MEPE: variants seen among roughly 807,000 people sequenced by gnomAD.
MEPE encodes matrix, extracellular phosphoglycoprotein with ASARM motif (bone).
A neutral mutation model predicts 7.3 loss-of-function variants in MEPE; 7 were observed. The ratio of observed to expected loss-of-function variants is 0.95; its 90% CI spans 0.54 to 1.79. The LOEUF is 1.79. Among genes scored for constraint, MEPE ranks in the 40% most tolerant of loss-of-function variants. The probability of loss-of-function intolerance (pLI) is 0.00; values close to 1 mark genes in which losing one functional copy is unlikely to be tolerated. For synonymous variants in MEPE, 214 were observed against 213.1 expected (o/e 1.00, Z -0.04); for missense variants, 623 against 628.2 (o/e 0.99, Z 0.09).
At chr4:87,841,326 C>A (rs544064313) in intron 3 of MEPE, among the ~76,000 whole-genome samples, 5 of 152,244 alleles carry the variant, frequency 3.3e-5, no homozygotes, top group African/African-American at 1.2e-4. Context: ...CTTTCCAGGA[C>A]TCAATTACTC....
chr4:87,839,733 T>C, intron 3 of MEPE: 1 of 1,550,302 alleles, frequency 6.5e-7, no homozygotes, highest in Non-Finnish European at 8.7e-7. Flanking sequence ...TGTTTTTAAG[T>C]GTGTTTACAT....
At chr4:87,824,720 T>TTTTG (rs965434855) in intron 1 of MEPE, among the ~76,000 whole-genome samples, 2 of 152,382 alleles carry the variant, frequency 1.3e-5, no homozygotes, top group East Asian at 3.9e-4. Context: ...TTTGTGTTTT[T>TTTTG]TTTGTTTGTT....
At chr4:87,833,161 T>G (rs192796340) in intron 1 of MEPE, 147 bp downstream of exon 1, 1 of 152,336 alleles carries the variant, frequency 6.6e-6, no homozygotes, top group East Asian at 1.9e-4. Flanking sequence ...GTGCTTTGTT[T>G]TATAAAATAG....
At chr4:87,839,318 C>G (rs1722919855) in intron 3 of MEPE, among the ~76,000 whole-genome samples, 1 of 152,182 alleles carries the variant, frequency 6.6e-6, no homozygotes, top group Admixed American at 6.5e-5. Context: ...AATTAGACAT[C>G]AGACATGAAT....
chr4:87,845,348 G>C lies in MEPE; in HGVS notation c.480G>C (p.Ala160=). The part of the protein sequence containing the change: ...NMQHIMGPVT[A]IKLLGEENKE... ...AACATATAATGGGGCCAGTGACTGC[G>C]ATTAAACTCCTGGGGGAAGAAAACA... is the stretch of plus-strand genomic sequence containing the variant. Residue 160 remains alanine (A), a synonymous_variant, in exon 4 of 4, where the codon GCG becomes GCC. Coordinates refer to ENST00000361056, the MANE Select transcript of MEPE (RefSeq NM_020203.6). 1 of 1,613,962 alleles carries C rather than the reference G, an allele frequency of 6.2e-7. No individual in the cohort carries two copies. The highest frequency in any genetic ancestry group is 1.1e-5 in the South Asian group (1 of 91,066).
upstream of MEPE, among the ~76,000 whole-genome samples, chr4:87,831,313 C>T (rs1722593694): frequency 2.0e-5 from 3 of 152,070 alleles, no homozygotes; most frequent in Admixed American, 2.0e-4. Context: ...TAAATCCAAA[C>T]TCACAATATT....
At chr4:87,839,858 G>A (rs1367630392) in intron 3 of MEPE, 2 of 1,543,426 alleles carry the variant, frequency 1.3e-6, no homozygotes, top group Non-Finnish European at 1.7e-6. Flanking sequence ...GGGAGGCAAA[G>A]TTTACTTTTG....
chr4:87,839,839 A>G, intron 3 of MEPE: 1 of 1,543,142 alleles, frequency 6.5e-7, no homozygotes, highest in South Asian at 1.2e-5. Flanking sequence ...GCCCTAGAGG[A>G]AAATGTAGGG....
chr4:87,834,650 T>A, intron 1 of MEPE, 53 bp from the exon 2 acceptor site: 1 of 1,384,142 alleles, frequency 7.2e-7, no homozygotes, highest in East Asian at 2.3e-5. Context: ...TTCTTATGGC[T>A]GCAGTTTATA....
Position 87,846,389 on chromosome 4 carries a change from G to C in MEPE, c.1521G>C (p.Arg507Ser), listed in dbSNP as rs767869973. The C allele has an allele frequency of 6.2e-7, 1 of 1,614,036 alleles. No homozygotes were observed. Residue 507 changes from arginine to serine, a missense_variant, in exon 4 of 4, where the codon AGG (arginine) becomes AGC (serine). Coordinates refer to ENST00000361056, the MANE Select transcript of MEPE (RefSeq NM_020203.6). ...ACAGGAGGTTTAGTTCCCGTAGAAG[G>C]GATGACAGTAGTGAGTCATCTGACA... Reference protein sequence around the residue: ...HSNRRFSSRRRDDSSESSDSG... With the variant: ...HSNRRFSSRRSDDSSESSDSG...
At chr4:87,842,076 T>C (rs1723035649) in intron 3 of MEPE, among the ~76,000 whole-genome samples, 1 of 152,136 alleles carries the variant, frequency 6.6e-6, no homozygotes, top group Non-Finnish European at 1.5e-5. Context: ...CTCAGAGAAG[T>C]AAAATAATGC....
upstream of MEPE, among the ~76,000 whole-genome samples, chr4:87,832,073 T>C (rs1722614018): frequency 6.6e-6 from 1 of 151,868 alleles, no homozygotes; most frequent in African/African-American, 2.4e-5. Flanking sequence ...TGCTACTGCA[T>C]CTCCAGAGGG....
At chr4:87,826,391 TGTTTTTG>T in intron 1 of MEPE, among the ~76,000 whole-genome samples, 2 of 150,740 alleles carry the variant, frequency 1.3e-5, no homozygotes, top group South Asian at 4.3e-4. Flanking sequence ...TTTTTTTTTT[TGTTTTTG>T]TTTTTTGTTT....
At chr4:87,839,591 C>A in intron 3 of MEPE, 1 of 849,470 alleles carries the variant, frequency 1.2e-6, no homozygotes, top group Non-Finnish European at 1.8e-6. Context: ...TCAACTTCAC[C>A]CAACTTTTAA....
chr4:87,844,546 T>G (rs10013913), intron 3 of MEPE, among the ~76,000 whole-genome samples: 2,460 of 152,022 alleles, frequency 0.016, 74 homozygotes, highest in African/African-American at 0.056. Context: ...TTTAGGCAGA[T>G]GAATACCTCT....
chr4:87,839,019 T>C (rs907918609), intron 3 of MEPE, among the ~76,000 whole-genome samples: 1 of 152,174 alleles, frequency 6.6e-6, no homozygotes, highest in African/African-American at 2.4e-5. Flanking sequence ...TTCCCACACA[T>C]GTACCTGACA....
upstream of MEPE, among the ~76,000 whole-genome samples, chr4:87,831,925 A>T (rs1215394607): frequency 6.6e-6 from 1 of 152,086 alleles, no homozygotes; most frequent in African/African-American, 2.4e-5. Context: ...GCTACTACAG[A>T]ATACCACAGA....
At chr4:87,832,189 T>C (rs748607641), upstream of MEPE, among the ~76,000 whole-genome samples, 15 of 152,010 alleles carry the variant, frequency 9.9e-5, no homozygotes, top group Non-Finnish European at 1.8e-4. Context: ...CATACTGGGG[T>C]CTGCCTTCAT....
At chr4:87,829,443 T>A (rs1451912847), upstream of MEPE, among the ~76,000 whole-genome samples, 6 of 152,084 alleles carry the variant, frequency 3.9e-5, no homozygotes, top group Non-Finnish European at 8.8e-5. Flanking sequence ...ATCACTCAAA[T>A]GAAAGGGAAA....
Sources: allele counts gnomAD v4.1 joint callset (sites outside exome capture counted in the v4.1 genomes callset), GRCh38; gene constraint gnomAD v4.1.1; transcripts MANE v1.5; gene names NCBI Gene and HGNC (gene_info 2026-07-23, HGNC 2026-07-21).